Variants in MYH15 observed in about 807,000 individuals in gnomAD.
The protein encoded by MYH15 is myosin heavy chain 15, also known as myosin-15.
A neutral mutation model predicts 240.5 loss-of-function variants in MYH15; 227 were observed. The ratio of observed to expected loss-of-function variants is 0.94; its 90% CI spans 0.85 to 1.05. The LOEUF is 1.05. Ranked by LOEUF, MYH15 falls within the 50% of genes least tolerant of loss-of-function variation. MYH15 has a pLI of 0.00. For synonymous variants in MYH15, 785 were observed against 796.7 expected, an observed-to-expected ratio of 0.99 and a Z score of 0.25; for missense variants, 2,217 against 2,247.5, an observed-to-expected ratio of 0.99 and a Z score of 0.27.
intron 35 of MYH15, among the ~76,000 whole-genome samples, chr3:108,394,622 G>C (rs9288870): frequency 0.72 from 109,288 of 151,998 alleles, 39,673 homozygotes; most frequent in Middle Eastern, 0.78. Flanking sequence ...TCTTCTTTTT[G>C]TACTTCCCTT....
At chr3:108,519,410 T>C (rs190063616) in intron 1 of MYH15, among the ~76,000 whole-genome samples, 10 of 152,302 alleles carry the variant, frequency 6.6e-5, no homozygotes, top group Admixed American at 2.0e-4. Context: ...AAAAGTTCTT[T>C]AATAACAGCT....
At position 108,444,642 on chromosome 3, in the gene MYH15, C is replaced by T. The variant is rs1406883954; in HGVS notation, c.2653G>A (p.Ala885Thr). 1 of 1,613,890 alleles carries T rather than the reference C, an allele frequency of 6.2e-7. No homozygotes were observed. The highest frequency in any genetic ancestry group is 8.5e-7 in the Non-Finnish European group (1 of 1,179,900). The change falls in exon 22 of 41, where the codon GCT (alanine) becomes ACT (threonine). Residue 885 changes from alanine to threonine, a missense_variant and splice_region_variant. Coordinates refer to ENST00000693548, the MANE Select transcript of MYH15 (RefSeq NM_014981.3). ...EKNDLILQLQAEQETLANVEE... is the reference protein window; with the variant it reads ...EKNDLILQLQTEQETLANVEE... ...GAACAAATGGTGGGGCTACTCACAG[C>T]CTGAAGCTGAAGAATCAGGTCATTT...
At position 108,403,858 on chromosome 3, in the gene MYH15, T is replaced by C. The variant is rs560675351; in HGVS notation, c.4736+1480A>G. Among the ~76,000 whole-genome samples, 10 of 152,210 alleles carry C rather than the reference T, an allele frequency of 6.6e-5. No homozygotes were observed. The South Asian group carries it at 1.7e-3, about 25-fold the overall frequency. ...TTTTTTCGCACTAAGATTATTATAA[T>C]TGGTGAACTGCTCTACGACATTCAG... is the stretch of plus-strand genomic sequence containing the variant. On this transcript the variant is annotated intron_variant, in intron 33 of 40. Transcript: ENST00000693548.
chr3:108,396,794 T>C (rs1253154111), intron 35 of MYH15, among the ~76,000 whole-genome samples: 2 of 152,230 alleles, frequency 1.3e-5, no homozygotes, highest in Admixed American at 6.5e-5. Context: ...GTCATACACA[T>C]GGACACAAAA....
chr3:108,404,313 T>C (rs1326243080), intron 33 of MYH15, among the ~76,000 whole-genome samples: 1 of 151,998 alleles, frequency 6.6e-6, no homozygotes, highest in East Asian at 1.9e-4. Flanking sequence ...GTTAACAGGG[T>C]TTTTTTTCTT....
At chr3:108,472,951 G>A (rs1450145176) in intron 12 of MYH15, among the ~76,000 whole-genome samples, 1 of 152,062 alleles carries the variant, frequency 6.6e-6, no homozygotes, top group Non-Finnish European at 1.5e-5. Context: ...TTACTGGGGG[G>A]CAATAGTGCA....
intron 1 of MYH15, among the ~76,000 whole-genome samples, chr3:108,522,325 G>A (rs574992872): frequency 6.6e-6 from 1 of 152,180 alleles, no homozygotes; most frequent in South Asian, 2.1e-4. Flanking sequence ...GATAGGTGTG[G>A]TGACCCTGGA....
At position 108,398,640 on chromosome 3, in the gene MYH15, G is replaced by A. The variant is rs1301619762; in HGVS notation, c.5130C>T (p.Thr1710=). ...EATERINLFY[T]QNTSLLSQKK... ...AGGGAGAGTATATGGGCCCCACCTG[G>A]GTATAGAAAAGATTGATTCTTTCTG... Residue 1710 remains threonine, a synonymous_variant, in exon 35 of 41, where the codon ACC becomes ACT. Transcript: ENST00000693548. 2 of 1,612,600 alleles carry A rather than the reference G, an allele frequency of 1.2e-6. No homozygotes were observed. The highest frequency in any genetic ancestry group is 1.7e-6 in the Non-Finnish European group (2 of 1,180,020).
At chr3:108,391,632 T>G (rs568630947) in intron 37 of MYH15, 128 bp downstream of exon 37, 2 of 987,134 alleles carry the variant, frequency 2.0e-6, no homozygotes, top group African/African-American at 3.3e-5. Flanking sequence ...CTCTTAAATA[T>G]CTGAAAGTAC....
At chr3:108,445,575 C>T (rs1239772729) in intron 21 of MYH15, among the ~76,000 whole-genome samples, 9 of 151,348 alleles carry the variant, frequency 5.9e-5, no homozygotes, top group Non-Finnish European at 1.3e-4. Context: ...TACAAAATTA[C>T]ACTGAAAAAA....
upstream of MYH15, among the ~76,000 whole-genome samples, chr3:108,514,573 C>A (rs1319984629): frequency 6.6e-6 from 1 of 151,910 alleles, no homozygotes; most frequent in African/African-American, 2.4e-5. Context: ...ATAGAAGTTT[C>A]TTCTGTCTTG....
At chr3:108,498,914 A>G (rs1365826163) in intron 5 of MYH15, among the ~76,000 whole-genome samples, 1 of 152,258 alleles carries the variant, frequency 6.6e-6, no homozygotes. Flanking sequence ...TTACCTGGCC[A>G]GCCAGGGCTC....
In MYH15 at chr3:108,476,392, C is replaced by A. The variant is rs1576257837; in HGVS notation, c.1233+5G>T. The stretch of plus-strand genomic sequence containing the variant: ...AATAATAATGCTCTTGAAATATCAC[C>A]TTACCTGTTCTATAGTTTGACCTCT... On this transcript the variant is annotated splice_donor_5th_base_variant and intron_variant, in intron 12 of 40. Coordinates refer to ENST00000693548, the MANE Select transcript of MYH15 (RefSeq NM_014981.3). 2 of 1,494,856 alleles carry A rather than the reference C, an allele frequency of 1.3e-6. No homozygotes were observed. The highest frequency in any genetic ancestry group is 4.5e-5 in the East Asian group (2 of 44,272). The allele number at this position is 1,494,856 out of a possible 1,614,324, so 92.6% of individuals were successfully genotyped here.
intron 1 of MYH15, among the ~76,000 whole-genome samples, chr3:108,516,488 T>C (rs2083573704): frequency 6.6e-6 from 1 of 152,228 alleles, no homozygotes; most frequent in South Asian, 2.1e-4. Flanking sequence ...GAAACACATT[T>C]GAGTTACAAG....
chr3:108,499,506 G>T, intron 4 of MYH15, 24 bp from the exon 5 acceptor site: 1 of 1,607,170 alleles, frequency 6.2e-7, no homozygotes, highest in East Asian at 2.2e-5. Context: ...AAAAATGCCA[G>T]AATATTCTTA....
At chr3:108,411,735 T>A (rs977540464) in intron 30 of MYH15, among the ~76,000 whole-genome samples, 1 of 152,208 alleles carries the variant, frequency 6.6e-6, no homozygotes, top group Admixed American at 6.5e-5. Flanking sequence ...AGATGAAAAG[T>A]ACTGTATGTA....
rs146450628 is a variant in MYH15 at position 108,422,107 on chromosome 3, ATTAT to A, written c.3703-897_3703-894del. ...CAAATTAACTATAGTTTGCATTCTTATTATTTATATGGTCAGAAACAGTAAAATT... is the reference window on the plus strand; with the variant it reads ...CAAATTAACTATAGTTTGCATTCTTATTATATGGTCAGAAACAGTAAAATT... On this transcript the variant is annotated intron_variant, in intron 27 of 40. Coordinates refer to ENST00000693548, the MANE Select transcript of MYH15 (RefSeq NM_014981.3). Among the ~76,000 whole-genome samples the A allele has an allele frequency of 7.4e-3, 1,131 of 152,230 alleles. 12 individuals are homozygous for A. Among genetic ancestry groups the A allele is most frequent in the African/African-American group, 0.025 (1,046 of 41,538 alleles).
At position 108,486,530 on chromosome 3, in the gene MYH15, G is replaced by T. The variant is rs375396991; in HGVS notation, c.872-4C>A. On this transcript the variant is annotated splice_polypyrimidine_tract_variant and splice_region_variant and intron_variant, in intron 9 of 40. Transcript: ENST00000693548. ...TTTGCAGATACCAGGAGCAGGTCTA[G>T]AGTGGGAAAACGATTCGTTAAACAG... 4 of 1,597,306 alleles carry T rather than the reference G, an allele frequency of 2.5e-6. No homozygotes were observed. The African/African-American group carries it at 5.4e-5, about 21-fold the overall frequency.
chr3:108,426,573 C>T (rs1035793239), intron 27 of MYH15, among the ~76,000 whole-genome samples: 2 of 152,218 alleles, frequency 1.3e-5, no homozygotes, highest in African/African-American at 4.8e-5. Context: ...GCTAACTCTG[C>T]AGGAGATATG....
Sources: gnomAD v4.1 joint callset for allele counts (sites outside exome capture counted in the v4.1 genomes callset) on GRCh38, gnomAD v4.1.1 for gene constraint, MANE v1.5 for transcripts, NCBI Gene and HGNC (gene_info 2026-07-23, HGNC 2026-07-21) for gene names.